SEZ6L: variants seen among roughly 807,000 people sequenced by gnomAD.
SEZ6L encodes the protein seizure related 6 homolog like, also known as seizure 6-like protein.
SEZ6L carries 37 observed loss-of-function variants against 106.2 expected under a neutral mutation model. The observed-to-expected ratio is 0.35, with a 90% CI of 0.27 to 0.46. The LOEUF (loss-of-function observed/expected upper bound fraction) is 0.46. Ranked by LOEUF, SEZ6L falls within the 20% of genes least tolerant of loss-of-function variation. SEZ6L has a pLI of 1.00. For missense variants in SEZ6L, 1,172 were observed against 1,332.8 expected (o/e 0.88, Z 1.88); for synonymous variants, 541 against 570.4 (o/e 0.95, Z 0.73).
chr22:26,358,654 C>T (rs1352808667), intron 12 of SEZ6L, among the ~76,000 whole-genome samples: 2 of 152,172 alleles, frequency 1.3e-5, no homozygotes, highest in Non-Finnish European at 2.9e-5. Context: ...GCCATCGGTC[C>T]AATTCATTTG....
intron 6 of SEZ6L, among the ~76,000 whole-genome samples, chr22:26,310,099 C>T (rs1045378938): frequency 1.2e-4 from 19 of 152,162 alleles, no homozygotes; most frequent in Non-Finnish European, 2.5e-4. Flanking sequence ...TTCATTAGTT[C>T]GTCGTTTGGT....
intron 9 of SEZ6L, 122 bp downstream of exon 9, chr22:26,314,024 G>T (rs932515466): frequency 2.3e-5 from 22 of 945,524 alleles, no homozygotes; most frequent in Non-Finnish European, 3.3e-5. Flanking sequence ...CCGGGACTAT[G>T]CAGAGAACAG....
chr22:26,369,681 GC>G lies in SEZ6L; in HGVS notation c.2795-3769del, dbSNP rs67897148. 6.6e-3 allele frequency among the ~76,000 whole-genome samples: 1,005 copies of G among 151,980 alleles called. 8 individuals carry two copies. The highest frequency in any genetic ancestry group is 0.023 in the African/African-American group (972 of 41,440). Reference sequence around the variant, plus strand: ...AGAGAACAAGGGGTCCTTTTGAAGAGCAGCGAACAGTAAGAAATCCACAATT... The same window carrying G: ...AGAGAACAAGGGGTCCTTTTGAAGAGAGCGAACAGTAAGAAATCCACAATT... On this transcript the variant is annotated intron_variant, in intron 13 of 16. Transcript: ENST00000248933.
At chr22:26,193,882 G>A (rs768636728) in intron 1 of SEZ6L, among the ~76,000 whole-genome samples, 3 of 152,178 alleles carry the variant, frequency 2.0e-5, no homozygotes, top group Non-Finnish European at 1.5e-5. Flanking sequence ...TAGTTAATGA[G>A]GGAAAGAAGT....
intron 1 of SEZ6L, among the ~76,000 whole-genome samples, chr22:26,208,415 C>CAAAA (rs2145694479): frequency 6.6e-6 from 1 of 152,072 alleles, no homozygotes; most frequent in Non-Finnish European, 1.5e-5. Context: ...CTGAATATGC[C>CAAAA]GTTAGTTTAC....
chr22:26,334,791 T>C (rs2082594721), intron 9 of SEZ6L, among the ~76,000 whole-genome samples: 1 of 152,184 alleles, frequency 6.6e-6, no homozygotes, highest in South Asian at 2.1e-4. Context: ...CTCTGGCACC[T>C]GAGAAGGGCC....
chr22:26,240,198 A>G (rs940602934), intron 1 of SEZ6L, among the ~76,000 whole-genome samples: 2 of 151,890 alleles, frequency 1.3e-5, no homozygotes, highest in African/African-American at 4.8e-5. Context: ...ACCTTTGCTC[A>G]TGCTGTTCCC....
chr22:26,290,769 G>A (rs1048766003), intron 1 of SEZ6L, among the ~76,000 whole-genome samples: 4 of 152,118 alleles, frequency 2.6e-5, no homozygotes, highest in South Asian at 2.1e-4. Flanking sequence ...TTTATCCCCC[G>A]TACTCTCCAC....
At chr22:26,221,561 A>G (rs536536993) in intron 1 of SEZ6L, among the ~76,000 whole-genome samples, 10 of 152,334 alleles carry the variant, frequency 6.6e-5, no homozygotes, top group Admixed American at 5.2e-4. Flanking sequence ...GTGTGCAAGG[A>G]GCTTCATGTG....
At position 26,373,490 on chromosome 22, in the gene SEZ6L, T is replaced by C. The variant is rs770646391; in HGVS notation, c.2827+7T>C. 6.4e-6 allele frequency: 10 copies of C among 1,552,482 alleles called. No homozygotes were observed. The highest frequency in any genetic ancestry group is 8.7e-6 in the Non-Finnish European group (10 of 1,153,862). On this transcript the variant is annotated splice_region_variant and intron_variant, in intron 14 of 16. Coordinates refer to ENST00000248933, the MANE Select transcript of SEZ6L (RefSeq NM_021115.5). ...TTTGAACATGCTTTAGAAGGTGAGT[T>C]CCAGAACGAAAAAAAAAAAAGTTCA...
At chr22:26,270,185 A>G (rs1601329800) in intron 1 of SEZ6L, among the ~76,000 whole-genome samples, 1 of 152,142 alleles carries the variant, frequency 6.6e-6, no homozygotes, top group East Asian at 1.9e-4. Context: ...GAATAAGATG[A>G]TGCGTGGTAG....
At chr22:26,272,431 C>CA (rs1191029672) in intron 1 of SEZ6L, among the ~76,000 whole-genome samples, 1 of 152,148 alleles carries the variant, frequency 6.6e-6, no homozygotes, top group Non-Finnish European at 1.5e-5. Flanking sequence ...GTTTGGGCCA[C>CA]AAAAAAACCG....
At chr22:26,172,617 AAG>A (rs1264310173) in intron 1 of SEZ6L, among the ~76,000 whole-genome samples, 4 of 152,318 alleles carry the variant, frequency 2.6e-5, no homozygotes, top group African/African-American at 7.2e-5. Context: ...CTAAGGGCAG[AAG>A]AGAGGGGAAT....
chr22:26,186,040 G>A (rs1244653732), intron 1 of SEZ6L, among the ~76,000 whole-genome samples: 3 of 151,578 alleles, frequency 2.0e-5, no homozygotes, highest in South Asian at 2.1e-4. Flanking sequence ...GTGTGTGATC[G>A]ATCACACCCT....
intron 1 of SEZ6L, among the ~76,000 whole-genome samples, chr22:26,285,119 C>T (rs1485384442): frequency 6.6e-6 from 1 of 152,140 alleles, no homozygotes; most frequent in Non-Finnish European, 1.5e-5. Context: ...ACCACCTCTG[C>T]CTTTTGTTCC....
chr22:26,236,755 A>T (rs2078968994), intron 1 of SEZ6L, among the ~76,000 whole-genome samples: 1 of 152,214 alleles, frequency 6.6e-6, no homozygotes, highest in African/African-American at 2.4e-5. Context: ...CTAGCTAAAA[A>T]GGTCAGGTTT....
chr22:26,222,243 G>C (rs1191975788), intron 1 of SEZ6L, among the ~76,000 whole-genome samples: 1 of 152,198 alleles, frequency 6.6e-6, no homozygotes, highest in African/African-American at 2.4e-5. Flanking sequence ...CAGCCTCACA[G>C]GAACTTAGAG....
chr22:26,351,722 T>C (rs934995058), intron 12 of SEZ6L, among the ~76,000 whole-genome samples: 5 of 152,022 alleles, frequency 3.3e-5, no homozygotes, highest in African/African-American at 1.2e-4. Context: ...AATTTTTATA[T>C]TTTTAGTAAA....
chr22:26,241,546 G>C (rs981096121), intron 1 of SEZ6L: 4 of 152,154 alleles, frequency 2.6e-5, no homozygotes, highest in African/African-American at 9.7e-5. Flanking sequence ...ATGTATTGTT[G>C]CTTCGTTCAA....
Sources: gnomAD v4.1 joint callset for allele counts (sites outside exome capture counted in the v4.1 genomes callset) on GRCh38, gnomAD v4.1.1 for gene constraint, MANE v1.5 for transcripts, NCBI Gene and HGNC (gene_info 2026-07-23, HGNC 2026-07-21) for gene names.